The following PPP3CA variants were observed in gnomAD, a reference collection of about 807,000 sequenced individuals.
PPP3CA encodes CAM-PRP catalytic subunit.
A neutral mutation model predicts 66.5 loss-of-function variants in PPP3CA; 14 were observed. That is an observed-to-expected ratio of 0.21 (90% confidence interval 0.14 to 0.33). The LOEUF (loss-of-function observed/expected upper bound fraction) is 0.33, where lower values mean the gene tolerates loss of function less well. Ranked by LOEUF, PPP3CA falls within the 10% of genes least tolerant of loss-of-function variation. The probability of loss-of-function intolerance (pLI) is 1.00; values close to 1 mark genes in which losing one functional copy is unlikely to be tolerated. For missense variants in PPP3CA, 317 were observed against 639.5 expected (o/e 0.50, Z 5.44); for synonymous variants, 232 against 226.2 (o/e 1.03, Z -0.23).
chr4:101,126,587 A>G (rs949255416), intron 2 of PPP3CA, among the ~76,000 whole-genome samples: 1 of 152,232 alleles, frequency 6.6e-6, no homozygotes, highest in Admixed American at 6.5e-5. Flanking sequence ...TCGTACAGAT[A>G]CAGAGATTAT....
chr4:101,151,557 T>C (rs1281279648), intron 2 of PPP3CA, among the ~76,000 whole-genome samples: 1 of 114,034 alleles, frequency 8.8e-6, no homozygotes. Flanking sequence ...AGACTCTGTA[T>C]CAAAAAAAAA....
chr4:101,271,800 C>A (rs927835413), intron 1 of PPP3CA, among the ~76,000 whole-genome samples: 5 of 151,938 alleles, frequency 3.3e-5, no homozygotes, highest in African/African-American at 4.8e-5. Context: ...AAACCACAAA[C>A]AAGGGTAAAA....
chr4:101,225,922 G>A (rs1725767515), intron 1 of PPP3CA, among the ~76,000 whole-genome samples: 1 of 151,684 alleles, frequency 6.6e-6, no homozygotes, highest in African/African-American at 2.4e-5. Context: ...GTTTCAGTGT[G>A]GGGAGTAAGA....
intron 2 of PPP3CA, among the ~76,000 whole-genome samples, chr4:101,119,850 T>A (rs1183408917): frequency 6.6e-6 from 1 of 152,090 alleles, no homozygotes; most frequent in Non-Finnish European, 1.5e-5. Flanking sequence ...AGTGCTATTC[T>A]TATATGGCAA....
At position 101,025,870 on chromosome 4, in the gene PPP3CA, G is replaced by A; in HGVS notation, c.1561C>T (p.Gln521Ter). ...AAAAAGTGAACAGGAAGTGGTCACT[G>A]AATATTGCTGCTATTACTGCCATTG... Reference protein sequence around the residue: ...DSNGSNSSNIQ With the variant: ...DSNGSNSSNI Residue 521 changes from glutamine (Q) to a stop codon, truncating the protein, a stop_gained, in exon 14 of 14, where the codon CAG becomes TAG. Coordinates refer to ENST00000394854, the MANE Select transcript of PPP3CA (RefSeq NM_000944.5). LOFTEE classifies it high-confidence loss of function. 5 of 1,115,164 alleles carry A rather than the reference G, an allele frequency of 4.5e-6. No homozygotes were observed. Among genetic ancestry groups the A allele is most frequent in the Non-Finnish European group, 6.4e-6 (5 of 784,302 alleles). 69.1% of individuals were successfully genotyped at this position (1,115,164 alleles called of 1,614,324 possible). A position where few individuals can be genotyped will look rare whatever the true frequency, so the allele number is the denominator to read the frequency against.
intron 2 of PPP3CA, among the ~76,000 whole-genome samples, chr4:101,179,403 C>T (rs1400053480): frequency 6.6e-6 from 1 of 152,102 alleles, no homozygotes; most frequent in Non-Finnish European, 1.5e-5. Flanking sequence ...AAGCAATTCA[C>T]TTTGTCCCTG....
chr4:101,264,994 T>C (rs2850972), intron 1 of PPP3CA, among the ~76,000 whole-genome samples: 12,399 of 152,284 alleles, frequency 0.081, 1,081 homozygotes, highest in East Asian at 0.35. Flanking sequence ...CCTTCAGCTC[T>C]GGTCTAGACG....
At chr4:101,312,189 T>C (rs899061216) in intron 1 of PPP3CA, among the ~76,000 whole-genome samples, 2 of 152,162 alleles carry the variant, frequency 1.3e-5, no homozygotes, top group Non-Finnish European at 2.9e-5. Context: ...TATACATGCA[T>C]ATATGTATTA....
intron 10 of PPP3CA, among the ~76,000 whole-genome samples, chr4:101,057,837 A>T (rs1289022073): frequency 6.6e-6 from 1 of 152,106 alleles, no homozygotes; most frequent in East Asian, 1.9e-4. Flanking sequence ...ATGAAATTTG[A>T]ATCTGATGCT....
intron 3 of PPP3CA, among the ~76,000 whole-genome samples, chr4:101,099,981 G>T (rs1730369333): frequency 6.6e-6 from 1 of 151,604 alleles, no homozygotes; most frequent in Non-Finnish European, 1.5e-5. Context: ...GATTACATAT[G>T]GTCAACAGAA....
chr4:101,261,961 G>A (rs1427199727), intron 1 of PPP3CA, among the ~76,000 whole-genome samples: 3 of 151,342 alleles, frequency 2.0e-5, no homozygotes, highest in Admixed American at 6.6e-5. Context: ...TTTTTCTGTA[G>A]GATTAAAGTA....
chr4:101,168,407 G>C (rs577660981), intron 2 of PPP3CA, among the ~76,000 whole-genome samples: 120 of 152,200 alleles, frequency 7.9e-4, no homozygotes, highest in African/African-American at 2.7e-3. Context: ...ACTGGACAGA[G>C]GAAAGGACCG....
chr4:101,308,645 T>C (rs1471272301), intron 1 of PPP3CA, among the ~76,000 whole-genome samples: 1 of 152,122 alleles, frequency 6.6e-6, no homozygotes, highest in Non-Finnish European at 1.5e-5. Flanking sequence ...AGGGTCTTGC[T>C]ATGTTTCTAA....
At chr4:101,037,067 T>C (rs547918588) in intron 11 of PPP3CA, among the ~76,000 whole-genome samples, 1 of 152,328 alleles carries the variant, frequency 6.6e-6, no homozygotes, top group East Asian at 1.9e-4. Context: ...TTCGATGCTC[T>C]GTAGCTGGGA....
chr4:101,297,618 C>A (rs1344317975), intron 1 of PPP3CA, among the ~76,000 whole-genome samples: 2 of 152,080 alleles, frequency 1.3e-5, no homozygotes, highest in South Asian at 4.1e-4. Flanking sequence ...ACCATGCCAG[C>A]CCAGACACAT....
chr4:101,265,592 T>C (rs1727144311), intron 1 of PPP3CA, among the ~76,000 whole-genome samples: 1 of 152,184 alleles, frequency 6.6e-6, no homozygotes. Context: ...CATGAATAAA[T>C]ACAAACAGTG....
In PPP3CA at chr4:101,029,210, G is replaced by A. The variant is rs371948412; in HGVS notation, c.1340-15C>T. The A allele has an allele frequency of 6.4e-5, 102 of 1,605,372 alleles. No individual in the cohort carries two copies. The highest frequency in any genetic ancestry group is 8.3e-5 in the Admixed American group (5 of 59,908). On this transcript the variant is annotated splice_polypyrimidine_tract_variant and intron_variant, in intron 12 of 13. Coordinates refer to ENST00000394854, the MANE Select transcript of PPP3CA (RefSeq NM_000944.5). ...CTCAACAGTAGCTGAAGAGAAGAAAGGGGGTGCAAAATGAATGAGAAAAAT... is the reference window on the plus strand; with the variant it reads ...CTCAACAGTAGCTGAAGAGAAGAAAAGGGGTGCAAAATGAATGAGAAAAAT...
At chr4:101,198,819 G>A (rs1036149316) in intron 1 of PPP3CA, among the ~76,000 whole-genome samples, 11 of 152,198 alleles carry the variant, frequency 7.2e-5, no homozygotes, top group Middle Eastern at 3.4e-3. Flanking sequence ...TCCAGTAATT[G>A]CTAATCCTAA....
At chr4:101,308,918 C>T (rs1460915589) in intron 1 of PPP3CA, among the ~76,000 whole-genome samples, 6 of 152,092 alleles carry the variant, frequency 3.9e-5, no homozygotes, top group African/African-American at 1.4e-4. Flanking sequence ...ACCTCCTGGT[C>T]GGGCATTGTG....
Sources: gnomAD v4.1 joint callset for allele counts (sites outside exome capture counted in the v4.1 genomes callset) on GRCh38, gnomAD v4.1.1 for gene constraint, MANE v1.5 for transcripts, NCBI Gene and HGNC (gene_info 2026-07-23, HGNC 2026-07-21) for gene names.